Variants in CNTNAP2 observed in about 807,000 individuals in gnomAD.
CNTNAP2 encodes the protein contactin associated protein 2.
Under a neutral mutation model 155.2 loss-of-function variants are expected in CNTNAP2, and 98 were observed. The observed-to-expected ratio is 0.63, with a 90% CI of 0.54 to 0.75. CNTNAP2 has a LOEUF of 0.75. Among genes scored for constraint, CNTNAP2 ranks in the 30% least tolerant of loss-of-function variants. The pLI, the probability that CNTNAP2 is intolerant of heterozygous loss-of-function variation, is 0.00. For missense variants in CNTNAP2, 1,727 were observed against 1,688.1 expected (o/e 1.02, Z -0.40); for synonymous variants, 651 against 631.2 (o/e 1.03, Z -0.47).
At chr7:146,336,183 G>A (rs7792267) in intron 1 of CNTNAP2, among the ~76,000 whole-genome samples, 10,488 of 148,616 alleles carry the variant, frequency 0.071, 1,044 homozygotes, top group African/African-American at 0.22. Context: ...TGGGCAACAC[G>A]AGTGAAACTC....
At chr7:147,973,727 T>C (rs1801376932) in intron 14 of CNTNAP2, among the ~76,000 whole-genome samples, 1 of 152,158 alleles carries the variant, frequency 6.6e-6, no homozygotes, top group African/African-American at 2.4e-5. Flanking sequence ...ATTTACATAG[T>C]GGTGTTTTGG....
chr7:146,576,947 G>T (rs1389578899), intron 1 of CNTNAP2, among the ~76,000 whole-genome samples: 1 of 152,034 alleles, frequency 6.6e-6, no homozygotes, highest in Non-Finnish European at 1.5e-5. Flanking sequence ...AACTACACAT[G>T]ATACATCATT....
At chr7:146,318,875 C>T (rs7792711) in intron 1 of CNTNAP2, among the ~76,000 whole-genome samples, 144,622 of 152,306 alleles carry the variant, frequency 0.95, 68,756 homozygotes, top group East Asian at 1. Flanking sequence ...TAATGCAATA[C>T]ATAATATGTA....
intron 1 of CNTNAP2, among the ~76,000 whole-genome samples, chr7:146,218,600 C>A (rs1246142534): frequency 2.6e-5 from 4 of 151,872 alleles, no homozygotes; most frequent in Admixed American, 6.6e-5. Flanking sequence ...ATATATATTT[C>A]TTTTTTTTCC....
chr7:147,425,977 A>G (rs1378010439), intron 10 of CNTNAP2, among the ~76,000 whole-genome samples: 3 of 152,146 alleles, frequency 2.0e-5, no homozygotes, highest in Non-Finnish European at 4.4e-5. Context: ...GAAATCTTAT[A>G]AGGATATGTT....
intron 8 of CNTNAP2, among the ~76,000 whole-genome samples, chr7:147,207,767 A>G (rs925668707): frequency 1.3e-5 from 2 of 152,148 alleles, no homozygotes; most frequent in Non-Finnish European, 2.9e-5. Context: ...AATAAATGCT[A>G]AGTTGGAAAA....
intron 15 of CNTNAP2, among the ~76,000 whole-genome samples, chr7:148,010,543 A>G (rs1271358652): frequency 1.3e-5 from 2 of 151,754 alleles, no homozygotes; most frequent in East Asian, 3.9e-4. Context: ...TTTTAATGGT[A>G]TAATCTAAGG....
intron 9 of CNTNAP2, among the ~76,000 whole-genome samples, chr7:147,395,085 A>G (rs1796790442): frequency 6.6e-6 from 1 of 151,996 alleles, no homozygotes; most frequent in Non-Finnish European, 1.5e-5. Flanking sequence ...TAATGCAAAT[A>G]TCTCTTTGTA....
At chr7:148,108,849 A>C (rs951634688) in intron 15 of CNTNAP2, among the ~76,000 whole-genome samples, 4 of 152,194 alleles carry the variant, frequency 2.6e-5, no homozygotes, top group African/African-American at 7.2e-5. Flanking sequence ...TTATCCCCCA[A>C]AATGTTAAGT....
At chr7:148,230,286 G>C (rs997034121) in intron 20 of CNTNAP2, among the ~76,000 whole-genome samples, 1 of 152,106 alleles carries the variant, frequency 6.6e-6, no homozygotes, top group Non-Finnish European at 1.5e-5. Flanking sequence ...GTGGGCTTTC[G>C]GCACACAAAG....
intron 9 of CNTNAP2, among the ~76,000 whole-genome samples, chr7:147,301,586 CTCTCTCTGTGTGTGTG>C (rs1394898867): frequency 6.3e-5 from 4 of 63,054 alleles, no homozygotes; most frequent in African/African-American, 2.3e-4. Context: ...CTCTCTCTCT[CTCTCTCTGTGTGTGTG>C]TGTGTGTGTG....
chr7:147,537,688 A>C (rs1202468727), intron 11 of CNTNAP2, among the ~76,000 whole-genome samples: 1 of 152,228 alleles, frequency 6.6e-6, no homozygotes, highest in African/African-American at 2.4e-5. Flanking sequence ...CAGCCCATTA[A>C]AAATTAAAAT....
intron 1 of CNTNAP2, among the ~76,000 whole-genome samples, chr7:146,375,613 GT>G (rs1795293649): frequency 6.6e-6 from 1 of 152,154 alleles, no homozygotes; most frequent in African/African-American, 2.4e-5. Context: ...ACAGTTTATA[GT>G]TTCTTATGGC....
At chr7:147,722,988 A>G (rs79950392) in intron 13 of CNTNAP2, among the ~76,000 whole-genome samples, 4,509 of 152,180 alleles carry the variant, frequency 0.03, 232 homozygotes, top group African/African-American at 0.1. Flanking sequence ...CTCAAAAAGT[A>G]AGATTTCTAG....
At chr7:148,373,370 C>T (rs549956577) in intron 21 of CNTNAP2, among the ~76,000 whole-genome samples, 2 of 152,206 alleles carry the variant, frequency 1.3e-5, no homozygotes, top group South Asian at 2.1e-4. Context: ...GCACAAGAAT[C>T]GCTTGAACCC....
At chr7:146,760,363 TCCACTG>T (rs923261204) in intron 1 of CNTNAP2, among the ~76,000 whole-genome samples, 43 of 149,808 alleles carry the variant, frequency 2.9e-4, no homozygotes, top group Non-Finnish European at 5.9e-4. Context: ...CTCTTGTCAT[TCCACTG>T]CCACTGCCTT....
At chr7:146,216,758 T>C (rs1268981033) in intron 1 of CNTNAP2, among the ~76,000 whole-genome samples, 4 of 152,230 alleles carry the variant, frequency 2.6e-5, no homozygotes, top group African/African-American at 9.6e-5. Context: ...AGCTAACCAG[T>C]GACTGTCATT....
intron 3 of CNTNAP2, among the ~76,000 whole-genome samples, chr7:146,849,225 A>G (rs1794825474): frequency 6.6e-6 from 1 of 152,206 alleles, no homozygotes; most frequent in Non-Finnish European, 1.5e-5. Flanking sequence ...TCTCTGTGCC[A>G]TTCATCATAT....
intron 1 of CNTNAP2, among the ~76,000 whole-genome samples, chr7:146,170,741 A>G (rs1001579206): frequency 5.9e-5 from 9 of 152,260 alleles, no homozygotes; most frequent in East Asian, 3.9e-4. Context: ...AGAGTGATTC[A>G]TAAGTGCTGG....
Sources: gnomAD v4.1 joint callset for allele counts (sites outside exome capture counted in the v4.1 genomes callset) on GRCh38, gnomAD v4.1.1 for gene constraint, MANE v1.5 for transcripts, NCBI Gene and HGNC (gene_info 2026-07-23, HGNC 2026-07-21) for gene names.